Variants in ARHGAP26 observed in about 807,000 individuals in gnomAD.
ARHGAP26 encodes the protein rho GTPase-activating protein 26.
Under a neutral mutation model 104.8 loss-of-function variants are expected in ARHGAP26, and 38 were observed. That is an observed-to-expected ratio of 0.36 (90% CI 0.28 to 0.48). The LOEUF is 0.48. ARHGAP26 is among the 20% of genes least tolerant of loss of function. The pLI, the probability that ARHGAP26 is intolerant of heterozygous loss-of-function variation, is 0.99. For missense variants in ARHGAP26, 704 were observed against 947.9 expected, an observed-to-expected ratio of 0.74 and a Z score of 3.38; for synonymous variants, 341 against 340.0, an observed-to-expected ratio of 1.00 and a Z score of -0.03.
chr5:142,858,759 G>A (rs548611369), intron 1 of ARHGAP26, among the ~76,000 whole-genome samples: 1 of 152,284 alleles, frequency 6.6e-6, no homozygotes, highest in Middle Eastern at 3.4e-3. Flanking sequence ...ACCAATTGAA[G>A]GGATAAGAAA....
At chr5:143,015,227 AC>A (rs1282462843) in intron 12 of ARHGAP26, among the ~76,000 whole-genome samples, 1 of 152,190 alleles carries the variant, frequency 6.6e-6, no homozygotes, top group Non-Finnish European at 1.5e-5. Flanking sequence ...ATTCCACCCT[AC>A]CCCACCCTTA....
At chr5:143,197,909 A>G (rs1807113685) in intron 20 of ARHGAP26, among the ~76,000 whole-genome samples, 1 of 152,198 alleles carries the variant, frequency 6.6e-6, no homozygotes, top group Admixed American at 6.5e-5. Flanking sequence ...ATAAAATCGT[A>G]TAGGCCCATG....
Position 142,945,377 on chromosome 5 carries a change from T to G in ARHGAP26, c.1107+13252T>G, listed in dbSNP as rs575456757. 2.0e-5 allele frequency among the ~76,000 whole-genome samples: 3 copies of G among 152,366 alleles called. No homozygotes were observed. The East Asian group carries it at 5.8e-4, about 29-fold the overall frequency. ...GTCTCTGTTCTGCCTGCTCTCTTTT[T>G]GTTAACGCTACACACAATTTTATAT... On this transcript the variant is annotated intron_variant, in intron 11 of 22. Transcript: ENST00000645722.
At chr5:143,127,118 T>A (rs1460270859) in intron 18 of ARHGAP26, among the ~76,000 whole-genome samples, 1 of 152,224 alleles carries the variant, frequency 6.6e-6, no homozygotes, top group Non-Finnish European at 1.5e-5. Flanking sequence ...TTTTAGATGT[T>A]TAAGAAGGAC....
intron 1 of ARHGAP26, among the ~76,000 whole-genome samples, chr5:142,787,232 T>A (rs1758855324): frequency 6.6e-6 from 1 of 152,192 alleles, no homozygotes; most frequent in Non-Finnish European, 1.5e-5. Context: ...GTGTCAAGTG[T>A]CTCATTTTTA....
chr5:142,963,198 A>ATATATATG (rs869247749), intron 11 of ARHGAP26, among the ~76,000 whole-genome samples: 30 of 98,336 alleles, frequency 3.1e-4, no homozygotes, highest in African/African-American at 4.3e-4. Context: ...ATATATATAT[A>ATATATATG]TGTGTGTGTG....
At chr5:142,868,782 T>C (rs1351040180) in intron 1 of ARHGAP26, 1 of 152,030 alleles carries the variant, frequency 6.6e-6, no homozygotes, top group Non-Finnish European at 1.5e-5. Flanking sequence ...GACCTAGGAA[T>C]GGGGGTGTGG....
intron 10 of ARHGAP26, among the ~76,000 whole-genome samples, chr5:142,925,134 C>T (rs1763726853): frequency 6.6e-6 from 1 of 152,178 alleles, no homozygotes; most frequent in Non-Finnish European, 1.5e-5. Context: ...CGCATGCCAG[C>T]TACCGGTTGA....
At chr5:142,927,506 T>C (rs964858411) in intron 10 of ARHGAP26, among the ~76,000 whole-genome samples, 1 of 152,218 alleles carries the variant, frequency 6.6e-6, no homozygotes, top group Admixed American at 6.5e-5. Context: ...AGTAGTTGAC[T>C]CTTTTTTTAA....
intron 11 of ARHGAP26, among the ~76,000 whole-genome samples, chr5:142,976,416 TC>T (rs904747861): frequency 3.3e-5 from 5 of 152,328 alleles, no homozygotes; most frequent in East Asian, 1.9e-4. Flanking sequence ...GATCTCTTGA[TC>T]CCTATTTGGC....
At chr5:143,083,552 G>GC (rs1460573970) in intron 17 of ARHGAP26, among the ~76,000 whole-genome samples, 1 of 152,300 alleles carries the variant, frequency 6.6e-6, no homozygotes, top group East Asian at 1.9e-4. Flanking sequence ...AGGCTGAAGT[G>GC]CAGGGACACA....
chr5:143,010,893 C>T lies in ARHGAP26; in HGVS notation c.1108-3187C>T, dbSNP rs572154495. The stretch of plus-strand genomic sequence containing the variant: ...ATGTTTGAATTTACTAGGAGAAATG[C>T]AGGGATCAAGGATGGCTGAAGAAAA... On this transcript the variant is annotated intron_variant, in intron 11 of 22. Transcript: ENST00000645722. 3 of 152,344 alleles carry T rather than the reference C, an allele frequency of 2.0e-5. No individual in the cohort carries two copies. The South Asian group carries it at 6.2e-4, about 32-fold the overall frequency. The allele number at this position is 152,344 out of a possible 1,614,324, so 9.4% of individuals were successfully genotyped here.
rs567159355 is a variant in ARHGAP26 at position 142,872,369 on chromosome 5, G to A, written c.155-1031G>A. On this transcript the variant is annotated intron_variant, in intron 1 of 22. Transcript: ENST00000645722. ...CCATATCTTATTAAAGCCAGGCCTT[G>A]TTGCTGGTTCTGCCTCATGTTTCCC... Among the ~76,000 whole-genome samples the A allele has an allele frequency of 1.9e-3, 291 of 152,278 alleles. 1 individual carries two copies. Among genetic ancestry groups the A allele is most frequent in the Admixed American group, 3.3e-3 (51 of 15,302 alleles).
rs997280725 is a variant in ARHGAP26 at position 143,029,402 on chromosome 5, T to G, written c.1145-7794T>G. ...ATCCTTTACTTCTCAGTTTTTTTTT[T>G]TTTTTTTTTTTTTTTTTTTTGAGGC... On this transcript the variant is annotated intron_variant, in intron 12 of 22. Coordinates refer to ENST00000645722, the MANE Select transcript of ARHGAP26 (RefSeq NM_001135608.3). Among the ~76,000 whole-genome samples, 9 of 112,806 alleles carry G rather than the reference T, an allele frequency of 8.0e-5. No individual in the cohort carries two copies. The South Asian group carries it at 1.1e-3, about 14-fold the overall frequency. The allele number at this position is 112,806 out of a possible 152,430, so 74.0% of individuals were successfully genotyped here.
At position 142,924,064 on chromosome 5, in the gene ARHGAP26, G is replaced by A. The variant is rs1459578481; in HGVS notation, c.1029-7983G>A. On this transcript the variant is annotated intron_variant, in intron 10 of 22. Coordinates refer to ENST00000645722, the MANE Select transcript of ARHGAP26 (RefSeq NM_001135608.3). ...TTTTTAGTAGAGACGGGGTTTCACC[G>A]TGTTAGCCAGGATGGTCTCGATCTC... 5.9e-5 allele frequency among the ~76,000 whole-genome samples: 9 copies of A among 151,828 alleles called. No homozygotes were observed. The South Asian group carries it at 1.2e-3, about 21-fold the overall frequency.
intron 17 of ARHGAP26, among the ~76,000 whole-genome samples, chr5:143,060,697 C>T (rs1786571463): frequency 1.3e-5 from 2 of 151,602 alleles, no homozygotes; most frequent in African/African-American, 4.9e-5. Flanking sequence ...TAGAATAACC[C>T]GGGGCGCTTG....
intron 12 of ARHGAP26, among the ~76,000 whole-genome samples, chr5:143,028,478 A>G (rs1202803589): frequency 1.3e-5 from 2 of 152,288 alleles, no homozygotes; most frequent in Admixed American, 1.3e-4. Context: ...TAAAGATAAC[A>G]TGAACTTGAA....
intron 1 of ARHGAP26, among the ~76,000 whole-genome samples, chr5:142,855,370 T>C (rs1356945822): frequency 1.3e-5 from 2 of 152,130 alleles, no homozygotes; most frequent in East Asian, 3.8e-4. Context: ...TGGTCTGAGA[T>C]GAAATGAAGT....
chr5:142,989,080 T>G (rs1443921924), intron 11 of ARHGAP26, among the ~76,000 whole-genome samples: 1 of 152,200 alleles, frequency 6.6e-6, no homozygotes, highest in Non-Finnish European at 1.5e-5. Flanking sequence ...TGTCTAATGT[T>G]GACAGTGGTG....
Sources: gnomAD v4.1 joint callset for allele counts (sites outside exome capture counted in the v4.1 genomes callset) on GRCh38, gnomAD v4.1.1 for gene constraint, MANE v1.5 for transcripts, NCBI Gene and HGNC (gene_info 2026-07-23, HGNC 2026-07-21) for gene names.